GLIS3: variants seen among roughly 807,000 people sequenced by gnomAD.
The protein encoded by GLIS3 is GLIS family zinc finger 3.
A neutral mutation model predicts 78.6 loss-of-function variants in GLIS3; 53 were observed. That is an observed-to-expected ratio of 0.67 (90% CI 0.54 to 0.85). The LOEUF is 0.85. Among genes scored for constraint, GLIS3 ranks in the 40% least tolerant of loss-of-function variants. The pLI, the probability that GLIS3 is intolerant of heterozygous loss-of-function variation, is 0.00. For synonymous variants in GLIS3, 684 were observed against 509.9 expected, an observed-to-expected ratio of 1.34 and a Z score of -4.60; for missense variants, 1,703 against 1,231.1, an observed-to-expected ratio of 1.38 and a Z score of -5.74.
At chr9:4,356,995 C>G in the GLIS3 span, among the ~76,000 whole-genome samples, 2 of 152,176 alleles carry the variant, frequency 1.3e-5, no homozygotes, top group East Asian at 1.9e-4. Flanking sequence ...TTTCCAAAGA[C>G]TAGAAATCTA....
intron 2 of GLIS3, among the ~76,000 whole-genome samples, chr9:4,311,103 T>A (rs554951496): frequency 6.6e-6 from 1 of 152,310 alleles, no homozygotes; most frequent in South Asian, 2.1e-4. Context: ...CTAAGGAGTC[T>A]GTGGATAGAA....
intron 2 of GLIS3, among the ~76,000 whole-genome samples, chr9:4,233,303 C>A (rs1035498115): frequency 2.0e-5 from 3 of 152,188 alleles, no homozygotes; most frequent in African/African-American, 7.2e-5. Flanking sequence ...CTAGACAGGC[C>A]CCCTCCAAAT....
intron 4 of GLIS3, among the ~76,000 whole-genome samples, chr9:4,050,860 T>C (rs1825703813): frequency 6.6e-6 from 1 of 152,108 alleles, no homozygotes; most frequent in African/African-American, 2.4e-5. Flanking sequence ...TAAGAGGAGA[T>C]AAAAAGTGTA....
In GLIS3 at chr9:3,931,772, T is replaced by C. The variant is rs114027788; in HGVS notation, c.1983+588A>G. ...AAGATATTATGATTTTTATGAACTTTGAAAATGCGTTCACCCCTCATTAAT... is the reference window on the plus strand; with the variant it reads ...AAGATATTATGATTTTTATGAACTTCGAAAATGCGTTCACCCCTCATTAAT... On this transcript the variant is annotated intron_variant, in intron 6 of 10. Transcript: ENST00000381971. 4.9e-3 allele frequency among the ~76,000 whole-genome samples: 753 copies of C among 152,300 alleles called. 9 individuals carry two copies. Among genetic ancestry groups the C allele is most frequent in the African/African-American group, 0.017 (706 of 41,558 alleles).
chr9:4,302,128 G>A (rs965994055), upstream of GLIS3, among the ~76,000 whole-genome samples: 6 of 152,186 alleles, frequency 3.9e-5, no homozygotes, highest in Non-Finnish European at 8.8e-5. Flanking sequence ...CTTCTGGGCT[G>A]AATTGGTCAG....
At chr9:4,407,604 G>A in the GLIS3 span, among the ~76,000 whole-genome samples, 1 of 152,108 alleles carries the variant, frequency 6.6e-6, no homozygotes, top group Admixed American at 6.5e-5. Flanking sequence ...CCGAGATCTC[G>A]CCACCGCACT....
chr9:4,202,760 A>G (rs1463353087), intron 2 of GLIS3, among the ~76,000 whole-genome samples: 1 of 152,252 alleles, frequency 6.6e-6, no homozygotes, highest in Non-Finnish European at 1.5e-5. Context: ...ATAGCTGGCT[A>G]GCCAAATGAA....
chr9:3,877,409 C>T (rs967505065), intron 8 of GLIS3, among the ~76,000 whole-genome samples: 1 of 152,226 alleles, frequency 6.6e-6, no homozygotes, highest in African/African-American at 2.4e-5. Flanking sequence ...TTACCTTGTG[C>T]ATAGAACTGT....
intron 1 of GLIS3, among the ~76,000 whole-genome samples, chr9:4,294,509 C>CAA (rs561397173): frequency 3.7e-4 from 50 of 135,874 alleles, no homozygotes; most frequent in Non-Finnish European, 6.4e-4. Flanking sequence ...AATTATGTCT[C>CAA]AAAAAAAAAA....
intron 7 of GLIS3, among the ~76,000 whole-genome samples, chr9:3,895,562 C>G (rs1822769560): frequency 6.6e-6 from 1 of 152,166 alleles, no homozygotes; most frequent in African/African-American, 2.4e-5. Context: ...TTATCTTTCA[C>G]AGAAATAAAA....
Position 3,911,455 on chromosome 9 carries a change from G to T in GLIS3, c.1984-12620C>A, listed in dbSNP as rs184346521. Among the ~76,000 whole-genome samples, 396 of 152,252 alleles carry T rather than the reference G, an allele frequency of 2.6e-3. 1 individual carries two copies. The highest frequency in any genetic ancestry group is 4.2e-3 in the Non-Finnish European group (288 of 68,018). ...ACCATGTACCCTTCTTCAGTGCCTT[G>T]TGAAAACTTGATTAAAACATCATCT... is the stretch of plus-strand genomic sequence containing the variant. On this transcript the variant is annotated intron_variant, in intron 6 of 10. Coordinates refer to ENST00000381971, the MANE Select transcript of GLIS3 (RefSeq NM_001042413.2).
intron 2 of GLIS3, among the ~76,000 whole-genome samples, chr9:4,195,108 G>A (rs1233099576): frequency 6.6e-6 from 1 of 152,250 alleles, no homozygotes; most frequent in Non-Finnish European, 1.5e-5. Context: ...CCAGGGGCAG[G>A]AGAAGAGCTC....
chr9:4,047,379 A>C (rs1825340315), intron 4 of GLIS3, among the ~76,000 whole-genome samples: 1 of 152,132 alleles, frequency 6.6e-6, no homozygotes. Flanking sequence ...GACTAATACA[A>C]TTGGGTAATC....
At chr9:4,481,481 AAATTAATT>A in the GLIS3 span, among the ~76,000 whole-genome samples, 109 of 149,676 alleles carry the variant, frequency 7.3e-4, no homozygotes, top group Admixed American at 1.9e-3. Context: ...CCCCATCAAA[AAATTAATT>A]AATTAATTAA....
chr9:3,918,461 G>C (rs985711034), intron 6 of GLIS3, among the ~76,000 whole-genome samples: 1 of 152,192 alleles, frequency 6.6e-6, no homozygotes, highest in Non-Finnish European at 1.5e-5. Context: ...CCTAAGCTCA[G>C]AATTTCCCTC....
the GLIS3 span, among the ~76,000 whole-genome samples, chr9:4,446,298 C>T: frequency 6.6e-6 from 1 of 152,092 alleles, no homozygotes; most frequent in Non-Finnish European, 1.5e-5. Flanking sequence ...TTGACTGCTT[C>T]CATTATGTGA....
chr9:3,967,751 G>T (rs1818062547), intron 4 of GLIS3, among the ~76,000 whole-genome samples: 1 of 152,082 alleles, frequency 6.6e-6, no homozygotes, highest in African/African-American at 2.4e-5. Context: ...TCATGAGAAA[G>T]ATGGATAATA....
chr9:4,216,522 A>G (rs1490024024), intron 2 of GLIS3, among the ~76,000 whole-genome samples: 2 of 152,052 alleles, frequency 1.3e-5, no homozygotes, highest in African/African-American at 2.4e-5. Context: ...AAGAAAAAAA[A>G]AAAAGAAAAT....
chr9:4,362,237 T>G, the GLIS3 span, among the ~76,000 whole-genome samples: 1 of 151,836 alleles, frequency 6.6e-6, no homozygotes, highest in South Asian at 2.1e-4. Context: ...TTGCTATGGA[T>G]TTTTTTCCTT....
Sources: allele counts gnomAD v4.1 joint callset (sites outside exome capture counted in the v4.1 genomes callset), GRCh38; gene constraint gnomAD v4.1.1; transcripts MANE v1.5; gene names NCBI Gene and HGNC (gene_info 2026-07-23, HGNC 2026-07-21).